DLG2: variants seen among roughly 807,000 people sequenced by gnomAD.
The protein encoded by DLG2 is discs large MAGUK scaffold protein 2, also known as disks large homolog 2.
DLG2 carries 45 observed loss-of-function variants against 132.5 expected under a neutral mutation model. The observed-to-expected ratio is 0.34, with a 90% CI of 0.27 to 0.44. DLG2 has a LOEUF of 0.44. Ranked by LOEUF, DLG2 falls within the 20% of genes least tolerant of loss-of-function variation. The probability of loss-of-function intolerance (pLI) is 1.00; values close to 1 mark genes in which losing one functional copy is unlikely to be tolerated. For synonymous variants in DLG2, 424 were observed against 419.6 expected, an observed-to-expected ratio of 1.01 and a Z score of -0.13; for missense variants, 1,045 against 1,196.9, an observed-to-expected ratio of 0.87 and a Z score of 1.87.
intron 3 of DLG2, among the ~76,000 whole-genome samples, chr11:85,567,218 T>A (rs1430321846): frequency 6.6e-6 from 1 of 152,230 alleles, no homozygotes; most frequent in Admixed American, 6.5e-5. Context: ...AAACAGCTAT[T>A]GGTATTTTGA....
intron 14 of DLG2, among the ~76,000 whole-genome samples, chr11:83,945,396 T>C (rs1266400300): frequency 6.6e-6 from 1 of 152,190 alleles, no homozygotes; most frequent in Non-Finnish European, 1.5e-5. Context: ...TTATATTCCC[T>C]TGCCTCAGTA....
At chr11:85,044,965 G>A (rs2062198560) in intron 6 of DLG2, among the ~76,000 whole-genome samples, 1 of 152,072 alleles carries the variant, frequency 6.6e-6, no homozygotes, top group African/African-American at 2.4e-5. Flanking sequence ...ATAACTTCTG[G>A]CCTTTCTCTG....
At chr11:85,057,303 T>C (rs1052962640) in intron 6 of DLG2, among the ~76,000 whole-genome samples, 4 of 151,722 alleles carry the variant, frequency 2.6e-5, no homozygotes, top group Non-Finnish European at 5.9e-5. Context: ...CCATCTATTA[T>C]AAATGATCAA....
At chr11:84,967,665 C>A (rs1301187454) in intron 6 of DLG2, among the ~76,000 whole-genome samples, 1 of 151,992 alleles carries the variant, frequency 6.6e-6, no homozygotes, top group Admixed American at 6.6e-5. Context: ...ACATGATATA[C>A]CTGCAGATAA....
intron 6 of DLG2, among the ~76,000 whole-genome samples, chr11:84,597,924 A>C (rs1044429483): frequency 1.3e-5 from 2 of 152,220 alleles, no homozygotes; most frequent in Non-Finnish European, 2.9e-5. Context: ...GGACAGGTGA[A>C]AAGAGAACAA....
chr11:84,696,735 A>G (rs1487337620), intron 6 of DLG2, among the ~76,000 whole-genome samples: 3 of 151,400 alleles, frequency 2.0e-5, no homozygotes, highest in East Asian at 2.0e-4. Context: ...TTAAGGATAC[A>G]TATGGAGAAA....
At chr11:84,331,830 T>A (rs1194159468) in intron 7 of DLG2, among the ~76,000 whole-genome samples, 1 of 152,138 alleles carries the variant, frequency 6.6e-6, no homozygotes, top group Non-Finnish European at 1.5e-5. Flanking sequence ...ATTTCAGATC[T>A]CACGCATAAG....
At chr11:84,859,389 CATATATATGT>C (rs1566174432) in intron 6 of DLG2, among the ~76,000 whole-genome samples, 12 of 142,180 alleles carry the variant, frequency 8.4e-5, no homozygotes, top group African/African-American at 3.1e-4. Flanking sequence ...TATATGCATA[CATATATATGT>C]ATATATACAT....
chr11:85,491,706 C>G (rs778044288), intron 3 of DLG2, among the ~76,000 whole-genome samples: 20 of 151,858 alleles, frequency 1.3e-4, no homozygotes, highest in Non-Finnish European at 2.1e-4. Context: ...GGTGAAAGAC[C>G]TGTATACTGA....
chr11:84,324,030 G>A (rs968177235), intron 7 of DLG2, among the ~76,000 whole-genome samples: 6 of 151,900 alleles, frequency 3.9e-5, no homozygotes, highest in African/African-American at 7.2e-5. Flanking sequence ...TCTCTTTATC[G>A]TTTCTTTTGC....
chr11:85,506,939 T>C (rs983526559), intron 3 of DLG2, among the ~76,000 whole-genome samples: 3 of 152,230 alleles, frequency 2.0e-5, no homozygotes, highest in African/African-American at 7.2e-5. Context: ...AGTTAGTTCT[T>C]CTTGTCGAAT....
intron 18 of DLG2, among the ~76,000 whole-genome samples, chr11:83,721,199 A>G (rs1038037760): frequency 2.0e-5 from 3 of 152,166 alleles, no homozygotes; most frequent in African/African-American, 7.2e-5. Context: ...AGGACACTAT[A>G]AGACTGCAAA....
Position 83,888,270 on chromosome 11 carries a change from A to T in DLG2, c.1497-13782T>A, listed in dbSNP as rs544897780. Among the ~76,000 whole-genome samples the T allele has an allele frequency of 6.5e-3, 997 of 152,336 alleles. 9 individuals carry two copies. Among genetic ancestry groups the T allele is most frequent in the Non-Finnish European group, 0.011 (782 of 68,028 alleles). On this transcript the variant is annotated intron_variant, in intron 15 of 27. Transcript: ENST00000376104. ...AGCAAAGTCTCAGGATACATTATCAATGTACAAAAATCACAAGCATTCTTA... is the reference window on the plus strand; with the variant it reads ...AGCAAAGTCTCAGGATACATTATCATTGTACAAAAATCACAAGCATTCTTA...
chr11:83,814,262 T>C (rs183165648), intron 17 of DLG2, among the ~76,000 whole-genome samples: 99 of 152,218 alleles, frequency 6.5e-4, no homozygotes, highest in Non-Finnish European at 6.3e-4. Flanking sequence ...TTAGGAATTG[T>C]AAAAAATAAG....
At chr11:85,181,265 T>C (rs1235351791) in intron 4 of DLG2, among the ~76,000 whole-genome samples, 1 of 151,656 alleles carries the variant, frequency 6.6e-6, no homozygotes, top group African/African-American at 2.4e-5. Context: ...TGTGTATATA[T>C]ATGTGTGTAT....
intron 15 of DLG2, among the ~76,000 whole-genome samples, chr11:83,925,940 TC>T (rs1314026886): frequency 6.6e-6 from 1 of 151,776 alleles, no homozygotes; most frequent in African/African-American, 2.4e-5. Context: ...TAAGCAGGAG[TC>T]CCATAGAAAT....
chr11:83,850,297 GCA>G (rs2059509298), intron 16 of DLG2, among the ~76,000 whole-genome samples: 1 of 152,040 alleles, frequency 6.6e-6, no homozygotes, highest in Admixed American at 6.6e-5. Flanking sequence ...GGGATTACAG[GCA>G]TGTGCCACCA....
chr11:85,276,751 A>G (rs1322736810), intron 4 of DLG2, among the ~76,000 whole-genome samples: 1 of 152,204 alleles, frequency 6.6e-6, no homozygotes, highest in East Asian at 1.9e-4. Flanking sequence ...ATTCTCTGAC[A>G]TCAAGAAAAA....
At chr11:83,511,101 C>G (rs899811536) in intron 21 of DLG2, among the ~76,000 whole-genome samples, 2 of 149,632 alleles carry the variant, frequency 1.3e-5, no homozygotes, top group Non-Finnish European at 3.0e-5. Context: ...CACACACACA[C>G]ACACACACAC....
Sources: allele counts gnomAD v4.1 joint callset (sites outside exome capture counted in the v4.1 genomes callset), GRCh38; gene constraint gnomAD v4.1.1; transcripts MANE v1.5; gene names NCBI Gene and HGNC (gene_info 2026-07-23, HGNC 2026-07-21).